PRKG1: variants seen among roughly 807,000 people sequenced by gnomAD.
PRKG1 encodes the protein cGMP-dependent protein kinase 1.
A neutral mutation model predicts 88.1 loss-of-function variants in PRKG1; 35 were observed. That is an observed-to-expected ratio of 0.40 (90% CI 0.30 to 0.53). PRKG1 has a LOEUF of 0.53. PRKG1 is among the 20% of genes least tolerant of loss of function. The pLI, the probability that PRKG1 is intolerant of heterozygous loss-of-function variation, is 0.59. For synonymous variants in PRKG1, 303 were observed against 292.5 expected (o/e 1.04, Z -0.37); for missense variants, 540 against 839.8 (o/e 0.64, Z 4.41).
intron 1 of PRKG1, among the ~76,000 whole-genome samples, chr10:51,151,191 A>T (rs1469492507): frequency 6.6e-6 from 1 of 151,952 alleles, no homozygotes; most frequent in Non-Finnish European, 1.5e-5. Flanking sequence ...CAATTTGACC[A>T]AGATTAATTT....
chr10:52,127,320 C>T (rs934512353), intron 7 of PRKG1, among the ~76,000 whole-genome samples: 1 of 152,052 alleles, frequency 6.6e-6, no homozygotes, highest in African/African-American at 2.4e-5. Context: ...GTTTGAATCG[C>T]AGGTTGCAAT....
chr10:51,385,804 C>A (rs1837234639), intron 2 of PRKG1, among the ~76,000 whole-genome samples: 1 of 152,306 alleles, frequency 6.6e-6, no homozygotes, highest in South Asian at 2.1e-4. Flanking sequence ...TTTCTTTGAA[C>A]TGAAAAGGAG....
chr10:51,249,778 T>C (rs1213479211), intron 2 of PRKG1, among the ~76,000 whole-genome samples: 1 of 151,858 alleles, frequency 6.6e-6, no homozygotes, highest in Admixed American at 6.6e-5. Context: ...TTCCAGTGTT[T>C]CTGCAGCCCA....
chr10:51,208,289 C>T (rs938730296), intron 2 of PRKG1, among the ~76,000 whole-genome samples: 7 of 152,028 alleles, frequency 4.6e-5, no homozygotes, highest in Middle Eastern at 3.4e-3. Context: ...AATGTGATAC[C>T]GGTTATGTAA....
chr10:51,282,090 C>T (rs1314508424), intron 2 of PRKG1, among the ~76,000 whole-genome samples: 1 of 152,100 alleles, frequency 6.6e-6, no homozygotes, highest in Non-Finnish European at 1.5e-5. Flanking sequence ...ACTGGAGGCT[C>T]ATAAAAACTG....
intron 3 of PRKG1, among the ~76,000 whole-genome samples, chr10:51,471,635 C>T (rs997273998): frequency 2.6e-5 from 4 of 151,838 alleles, no homozygotes; most frequent in Admixed American, 2.0e-4. Context: ...AAGGAAAAGG[C>T]GTTTCATTTA....
chr10:52,014,532 C>G (rs753281181), intron 5 of PRKG1, among the ~76,000 whole-genome samples: 3 of 152,130 alleles, frequency 2.0e-5, no homozygotes, highest in African/African-American at 7.2e-5. Flanking sequence ...TATCATTCTG[C>G]CCCTGGTCCC....
intron 5 of PRKG1, among the ~76,000 whole-genome samples, chr10:51,959,882 T>C (rs1272150067): frequency 6.6e-6 from 1 of 152,186 alleles, no homozygotes; most frequent in Admixed American, 6.5e-5. Context: ...TGAGTTTTAA[T>C]GTAAGGGAAA....
intron 3 of PRKG1, among the ~76,000 whole-genome samples, chr10:51,630,937 C>T (rs1461595532): frequency 6.6e-6 from 1 of 152,122 alleles, no homozygotes; most frequent in Admixed American, 6.5e-5. Flanking sequence ...TTCTTCTGTT[C>T]TTTGTGTTCA....
intron 3 of PRKG1, among the ~76,000 whole-genome samples, chr10:51,626,503 A>G (rs1217867812): frequency 6.6e-6 from 1 of 152,050 alleles, no homozygotes; most frequent in South Asian, 2.1e-4. Context: ...CCTAGGGGGA[A>G]TTTTTCTCCT....
intron 7 of PRKG1, among the ~76,000 whole-genome samples, chr10:52,109,814 C>CAAT (rs1847514558): frequency 6.6e-6 from 1 of 151,706 alleles, no homozygotes; most frequent in Non-Finnish European, 1.5e-5. Flanking sequence ...ACAATAACAA[C>CAAT]AATAATAATA....
At chr10:51,911,400 G>A (rs542744151) in intron 5 of PRKG1, among the ~76,000 whole-genome samples, 132 of 150,518 alleles carry the variant, frequency 8.8e-4, no homozygotes, top group African/African-American at 2.6e-3. Context: ...AGCTGTAAAA[G>A]TATTTGCTAT....
At chr10:51,526,873 C>G (rs1044654313) in intron 3 of PRKG1, among the ~76,000 whole-genome samples, 2 of 152,150 alleles carry the variant, frequency 1.3e-5, no homozygotes, top group Non-Finnish European at 2.9e-5. Context: ...CCATATTGCC[C>G]TTGTCATCTA....
intron 2 of PRKG1, among the ~76,000 whole-genome samples, chr10:51,268,343 C>T (rs1411199118): frequency 6.6e-6 from 1 of 152,082 alleles, no homozygotes; most frequent in African/African-American, 2.4e-5. Context: ...TGGGAATTTC[C>T]TCATCCTAAT....
chr10:52,294,074 G>A lies in PRKG1; in HGVS notation c.*174G>A. On this transcript the variant is annotated 3_prime_UTR_variant, in exon 18 of 18. Coordinates refer to ENST00000373980, the MANE Select transcript of PRKG1 (RefSeq NM_006258.4). ...AGGACTTACCGCTTAGATGACAATA[G>A]TGCTCTTTACATGTTTTCTGTTTGA... is the stretch of plus-strand genomic sequence containing the variant. 1 of 515,266 alleles carries A rather than the reference G, an allele frequency of 1.9e-6. No individual in the cohort carries two copies. The allele number at this position is 515,266 out of a possible 1,614,324, so 31.9% of individuals were successfully genotyped here.
At chr10:51,413,487 GTAGCTTGGAT>G (rs1838157161) in intron 2 of PRKG1, among the ~76,000 whole-genome samples, 2 of 152,002 alleles carry the variant, frequency 1.3e-5, no homozygotes, top group South Asian at 4.1e-4. Context: ...ACCCTCCTGA[GTAGCTTGGAT>G]TACAGGCACA....
intron 3 of PRKG1, among the ~76,000 whole-genome samples, chr10:51,571,651 G>A (rs927106671): frequency 6.6e-6 from 1 of 151,812 alleles, no homozygotes; most frequent in Admixed American, 6.6e-5. Flanking sequence ...TATCAAAAAG[G>A]CATGAACATA....
intron 5 of PRKG1, among the ~76,000 whole-genome samples, chr10:52,010,723 G>T (rs1010715749): frequency 6.6e-6 from 1 of 152,150 alleles, no homozygotes; most frequent in Non-Finnish European, 1.5e-5. Flanking sequence ...TGGTTAAAAA[G>T]AAAATGTTGC....
At chr10:51,093,799 T>TACACACACAC (rs796209546) in intron 1 of PRKG1, among the ~76,000 whole-genome samples, 1 of 127,788 alleles carries the variant, frequency 7.8e-6, no homozygotes, top group Admixed American at 8.0e-5. Flanking sequence ...TATATATATA[T>TACACACACAC]ATACACACAC....
Sources: gnomAD v4.1 joint callset for allele counts (sites outside exome capture counted in the v4.1 genomes callset) on GRCh38, gnomAD v4.1.1 for gene constraint, MANE v1.5 for transcripts, NCBI Gene and HGNC (gene_info 2026-07-23, HGNC 2026-07-21) for gene names.